Variants in FARSB observed in about 807,000 individuals in gnomAD.
The protein encoded by FARSB is phenylalanyl-tRNA synthetase subunit beta.
Under a neutral mutation model 69.6 loss-of-function variants are expected in FARSB, and 40 were observed. The observed-to-expected ratio is 0.57, with a 90% CI of 0.45 to 0.75. The LOEUF is 0.75. Among genes scored for constraint, FARSB ranks in the 30% least tolerant of loss-of-function variants. The pLI, the probability that FARSB is intolerant of heterozygous loss-of-function variation, is 0.00. For missense variants in FARSB, 632 were observed against 722.9 expected (o/e 0.87, Z 1.44); for synonymous variants, 235 against 247.2 (o/e 0.95, Z 0.46).
chr2:222,623,790 G>A (rs1691201702), intron 12 of FARSB, 60 bp from the exon 13 acceptor site: 4 of 1,021,510 alleles, frequency 3.9e-6, no homozygotes, highest in South Asian at 1.3e-5. Context: ...TTAAAAGGGA[G>A]ATTTATACAG....
intron 2 of FARSB, among the ~76,000 whole-genome samples, chr2:222,644,140 T>C (rs1257841086): frequency 6.6e-6 from 1 of 152,180 alleles, no homozygotes; most frequent in Non-Finnish European, 1.5e-5. Flanking sequence ...TGCCACAATA[T>C]AAGTAGTTCA....
rs1273735018 is a variant in FARSB, at chr2:222,633,246, A to G, written c.668T>C (p.Ile223Thr). 6.3e-7 allele frequency: 1 copy of G among 1,590,990 alleles called. No individual in the cohort carries two copies. Among genetic ancestry groups the G allele is most frequent in the African/African-American group, 1.3e-5 (1 of 74,276 alleles). ...AAGGACGACACCATTGCTATCATAGATAACTGGATACAGGGGTTTGTTTTC... is the reference window on the plus strand; with the variant it reads ...AAGGACGACACCATTGCTATCATAGGTAACTGGATACAGGGGTTTGTTTTC... ...IIENKPLYPV[I>T]YDSNGVVLSM... The change falls in exon 7 of 17, where the codon ATC becomes ACC. Residue 223 changes from isoleucine (I) to threonine (T), a missense_variant. Transcript: ENST00000281828.
Position 222,631,660 on chromosome 2 carries a change from T to C in FARSB, c.730A>G (p.Ile244Val), listed in dbSNP as rs1410927984. ...AAAATATTTCTAGTATTTACTGTTATTCTGGAATGATCCCCTGCAATGAAC... is the reference window on the plus strand; with the variant it reads ...AAAATATTTCTAGTATTTACTGTTACTCTGGAATGATCCCCTGCAATGAAC... ...PPIINGDHSR[I>V]TVNTRNIFIE... The change falls in exon 8 of 17, where the codon ATA (isoleucine) becomes GTA (valine). Residue 244 changes from isoleucine to valine, a missense_variant. Ile to Val is a conservative substitution (Grantham distance 29). Coordinates refer to ENST00000281828, the MANE Select transcript of FARSB (RefSeq NM_005687.5). 1.9e-6 allele frequency: 3 copies of C among 1,560,350 alleles called. No homozygotes were observed. The highest frequency in any genetic ancestry group is 3.3e-5 in the Admixed American group (2 of 59,758).
intron 5 of FARSB, 76 bp downstream of exon 5, chr2:222,639,504 G>C (rs1177569370): frequency 1.2e-5 from 7 of 561,552 alleles, no homozygotes; most frequent in Non-Finnish European, 2.3e-5. Context: ...AAGAGGGAGA[G>C]GGATCAGGAT....
In FARSB at chr2:222,571,123, T is replaced by C. The variant is rs1292246138; in HGVS notation, c.*748A>G. On this transcript the variant is annotated 3_prime_UTR_variant, in exon 17 of 17. Coordinates refer to ENST00000281828, the MANE Select transcript of FARSB (RefSeq NM_005687.5). ...TTATAACTGACTGATTACAGTAACA[T>C]GTATGGCCTATGGCAAAAATAAGCT... The C allele has an allele frequency of 1.3e-5, 2 of 152,234 alleles. No individual in the cohort carries two copies. Among genetic ancestry groups the C allele is most frequent in the East Asian group, 3.9e-4 (2 of 5,190 alleles). 9.4% of individuals were successfully genotyped at this position (152,234 alleles called of 1,614,324 possible). A position where few individuals can be genotyped will look rare whatever the true frequency, so the allele number is the denominator to read the frequency against.
intron 5 of FARSB, among the ~76,000 whole-genome samples, chr2:222,638,805 T>C (rs953929732): frequency 7.9e-5 from 12 of 152,230 alleles, no homozygotes; most frequent in African/African-American, 2.9e-4. Context: ...ATTTGAGACA[T>C]ATATAACTAT....
chr2:222,581,547 G>C, intron 16 of FARSB, among the ~76,000 whole-genome samples: 1 of 152,274 alleles, frequency 6.6e-6, no homozygotes, highest in East Asian at 1.9e-4. Context: ...CTAGAATCTT[G>C]CTTGTTAGAA....
intron 16 of FARSB, among the ~76,000 whole-genome samples, chr2:222,583,212 G>A (rs1690017245): frequency 6.6e-6 from 1 of 152,176 alleles, no homozygotes; most frequent in South Asian, 2.1e-4. Context: ...CAGCAGCAAT[G>A]AGTCCATACT....
chr2:222,622,563 A>G (rs1289569694), intron 13 of FARSB, among the ~76,000 whole-genome samples: 2 of 152,202 alleles, frequency 1.3e-5, no homozygotes, highest in South Asian at 4.1e-4. Flanking sequence ...TTGGTACTTC[A>G]TTTTATATGA....
intron 4 of FARSB, 91 bp downstream of exon 4, chr2:222,640,771 G>C (rs1399426550): frequency 1.3e-5 from 9 of 676,258 alleles, no homozygotes; most frequent in Non-Finnish European, 1.0e-5. Flanking sequence ...AAAAAAAAAA[G>C]AGTAAGCTTT....
chr2:222,607,347 T>C (rs1375604431), intron 15 of FARSB, among the ~76,000 whole-genome samples: 1 of 152,166 alleles, frequency 6.6e-6, no homozygotes, highest in South Asian at 2.1e-4. Flanking sequence ...GCAACAGACA[T>C]AGTTTAGCAA....
intron 10 of FARSB, 33 bp from the exon 11 acceptor site, chr2:222,624,808 T>C: frequency 7.4e-7 from 1 of 1,343,780 alleles, no homozygotes; most frequent in Non-Finnish European, 1.1e-6. Context: ...AGTAAATCAT[T>C]TCCCATCAGA....
chr2:222,639,958 A>G (rs1691677328), intron 4 of FARSB, among the ~76,000 whole-genome samples: 1 of 152,242 alleles, frequency 6.6e-6, no homozygotes, highest in South Asian at 2.1e-4. Flanking sequence ...TATTTACCAA[A>G]CAACCCCTCT....
intron 16 of FARSB, among the ~76,000 whole-genome samples, chr2:222,572,556 A>G (rs915815644): frequency 1.3e-5 from 2 of 152,208 alleles, no homozygotes; most frequent in Admixed American, 1.3e-4. Flanking sequence ...TAGGCCGGCT[A>G]CTGGGGGAAC....
At chr2:222,642,718 A>T (rs964950305) in intron 3 of FARSB, 133 bp downstream of exon 3, 3 of 551,352 alleles carry the variant, frequency 5.4e-6, no homozygotes, top group Non-Finnish European at 9.2e-6. Context: ...CCTCAAATCA[A>T]CCCTCTATTG....
At chr2:222,584,395 G>A (rs1192067786) in intron 16 of FARSB, among the ~76,000 whole-genome samples, 5 of 152,172 alleles carry the variant, frequency 3.3e-5, no homozygotes, top group Admixed American at 3.3e-4. Context: ...TAACCGAATA[G>A]GAACAGCTCC....
At chr2:222,636,140 C>T (rs147623706) in intron 5 of FARSB, among the ~76,000 whole-genome samples, 2 of 151,578 alleles carry the variant, frequency 1.3e-5, no homozygotes, top group African/African-American at 4.8e-5. Flanking sequence ...CACGCGGTGG[C>T]TCATGCCTGT....
chr2:222,598,175 G>T (rs1690471084), intron 16 of FARSB, among the ~76,000 whole-genome samples: 1 of 152,210 alleles, frequency 6.6e-6, no homozygotes, highest in Non-Finnish European at 1.5e-5. Context: ...GAAACATCAA[G>T]ACAATCATTT....
chr2:222,584,012 C>A (rs1021037357), intron 16 of FARSB, among the ~76,000 whole-genome samples: 1 of 152,044 alleles, frequency 6.6e-6, no homozygotes, highest in Admixed American at 6.6e-5. Flanking sequence ...AGCATGAGAA[C>A]GGACTAATAC....
Sources: gnomAD v4.1 joint callset for allele counts (sites outside exome capture counted in the v4.1 genomes callset) on GRCh38, gnomAD v4.1.1 for gene constraint, MANE v1.5 for transcripts, NCBI Gene and HGNC (gene_info 2026-07-23, HGNC 2026-07-21) for gene names.